DIAPH1: variants seen among roughly 807,000 people sequenced by gnomAD.
The protein encoded by DIAPH1 is diaphanous related formin 1.
Under a neutral mutation model 140.7 loss-of-function variants are expected in DIAPH1, and 46 were observed. The ratio of observed to expected loss-of-function variants is 0.33; its 90% confidence interval spans 0.26 to 0.42. DIAPH1 has a LOEUF of 0.42. Ranked by LOEUF, DIAPH1 falls within the 10% of genes least tolerant of loss-of-function variation. DIAPH1 has a pLI of 1.00. For synonymous variants in DIAPH1, 565 were observed against 551.6 expected (o/e 1.02, Z -0.34); for missense variants, 1,310 against 1,558.7 (o/e 0.84, Z 2.69).
At chr5:141,616,810 A>C (rs1283355031) in intron 1 of DIAPH1, among the ~76,000 whole-genome samples, 1 of 152,098 alleles carries the variant, frequency 6.6e-6, no homozygotes, top group Non-Finnish European at 1.5e-5. Context: ...CACCGCAGAA[A>C]GAAAAGAGAA....
rs368448851 is a variant in DIAPH1, at chr5:141,517,029, T to G, written c.3662-21A>C. 6.8e-6 allele frequency: 11 copies of G among 1,613,862 alleles called. No homozygotes were observed. In the Admixed American group the frequency reaches 1.8e-4, roughly 27 times the overall value. The stretch of plus-strand genomic sequence containing the variant: ...GTTGGCTGCAAGAGAAGACGAGAGA[T>G]TCTGTCTATGGAAGGCCTCATTTCT... On this transcript the variant is annotated intron_variant, in intron 27 of 27. Transcript: ENST00000389054.
rs552477223 is a variant in DIAPH1, at chr5:141,580,830, T to C, written c.738A>G (p.Arg246=). The C allele has an allele frequency of 1.9e-5, 31 of 1,614,176 alleles. No homozygotes were observed. The East Asian group carries it at 6.9e-4, about 36-fold the overall frequency. ...TGTTGGGAACAGCAGGATCCATGGC[T>C]CTGACCAGCAGTAGGATTCCTTCTT... The part of the protein sequence containing the change: ...ETEEGILLLV[R]AMDPAVPNMM... The change falls in exon 8 of 28, where the codon AGA becomes AGG. Residue 246 remains arginine (R), a synonymous_variant. Coordinates refer to ENST00000389054, the MANE Select transcript of DIAPH1 (RefSeq NM_005219.5).
At chr5:141,536,136 T>C (rs79832875) in intron 18 of DIAPH1, 49,454 of 391,222 alleles carry the variant, frequency 0.13, 3,460 homozygotes, top group South Asian at 0.15. Context: ...CCTGTCTCTA[T>C]AAAAAAAGTT....
At position 141,526,368 on chromosome 5, in the gene DIAPH1, G is replaced by A; in HGVS notation, c.3367C>T (p.Leu1123Phe). Residue 1123 changes from leucine to phenylalanine, a missense_variant, in exon 25 of 28, where the codon CTC becomes TTC. Leu to Phe is a conservative substitution (Grantham distance 22, BLOSUM62 0). Coordinates refer to ENST00000389054, the MANE Select transcript of DIAPH1 (RefSeq NM_005219.5). ...ACAGACAACTTCTTGGGGTCAAAGA[G>A]GAAGTACTCGCCCAGCTCCTTATAG... The part of the protein sequence containing the change: ...TLYKELGEYF[L>F]FDPKKLSVEE... 6.2e-7 allele frequency: 1 copy of A among 1,614,130 alleles called. No individual in the cohort carries two copies. The highest frequency in any genetic ancestry group is 8.5e-7 in the Non-Finnish European group (1 of 1,180,028).
At chr5:141,524,390 G>T in intron 26 of DIAPH1, 161 bp from the exon 27 acceptor site, 1 of 706,240 alleles carries the variant, frequency 1.4e-6, no homozygotes, top group Non-Finnish European at 2.6e-6. Context: ...AGTCTCACAC[G>T]CTCATGTTTA....
intron 18 of DIAPH1, among the ~76,000 whole-genome samples, chr5:141,554,950 C>CT (rs1362076109): frequency 6.6e-6 from 1 of 151,906 alleles, no homozygotes; most frequent in East Asian, 1.9e-4. Flanking sequence ...GGTGGGTACT[C>CT]TGAGTTGGGG....
At chr5:141,610,483 T>G (rs1433516582) in intron 1 of DIAPH1, among the ~76,000 whole-genome samples, 3 of 152,150 alleles carry the variant, frequency 2.0e-5, no homozygotes, top group Non-Finnish European at 4.4e-5. Context: ...GTATTTTTAG[T>G]AGAGACGGGG....
intron 1 of DIAPH1, among the ~76,000 whole-genome samples, chr5:141,614,301 CAT>C (rs1562354423): frequency 6.6e-6 from 1 of 152,038 alleles, no homozygotes; most frequent in Non-Finnish European, 1.5e-5. Flanking sequence ...TCTTCTAAAT[CAT>C]ATGTGACATA....
At chr5:141,563,416 G>A (rs1347693787) in intron 18 of DIAPH1, 2 of 152,102 alleles carry the variant, frequency 1.3e-5, no homozygotes, top group Admixed American at 6.6e-5. Context: ...AAGAGAACAG[G>A]TGAAGAGTGG....
intron 1 of DIAPH1, among the ~76,000 whole-genome samples, chr5:141,604,844 G>A (rs759411941): frequency 3.3e-5 from 5 of 151,962 alleles, no homozygotes; most frequent in African/African-American, 4.8e-5. Flanking sequence ...TTTTTGGCCC[G>A]GTACACATTC....
At chr5:141,607,738 A>C (rs573370759) in intron 1 of DIAPH1, among the ~76,000 whole-genome samples, 2 of 152,204 alleles carry the variant, frequency 1.3e-5, no homozygotes, top group Admixed American at 6.5e-5. Flanking sequence ...CTACAGCCAC[A>C]TATTCACACC....
At chr5:141,560,176 T>C (rs555362720) in intron 18 of DIAPH1, among the ~76,000 whole-genome samples, 1 of 152,344 alleles carries the variant, frequency 6.6e-6, no homozygotes, top group East Asian at 1.9e-4. Flanking sequence ...GTTGATAAAA[T>C]TTAAAATTCC....
intron 18 of DIAPH1, among the ~76,000 whole-genome samples, chr5:141,552,450 A>G (rs2099891843): frequency 2.0e-5 from 3 of 152,320 alleles, no homozygotes; most frequent in Non-Finnish European, 1.5e-5. Context: ...TGAAGATGCT[A>G]TGCTGCTGGC....
intron 19 of DIAPH1, among the ~76,000 whole-genome samples, chr5:141,532,179 G>A (rs1372272508): frequency 1.4e-5 from 2 of 146,090 alleles, no homozygotes; most frequent in East Asian, 4.0e-4. Flanking sequence ...TAATTTTTTG[G>A]TTTTTTTTTT....
intron 1 of DIAPH1, among the ~76,000 whole-genome samples, chr5:141,597,035 C>CA (rs1440277137): frequency 1.2e-4 from 18 of 151,924 alleles, no homozygotes; most frequent in Non-Finnish European, 1.5e-5. Flanking sequence ...GGAAATTCCC[C>CA]AAAAAGTACA....
intron 13 of DIAPH1, 53 bp from the exon 14 acceptor site, chr5:141,576,347 C>G (rs1315602257): frequency 6.9e-6 from 9 of 1,313,136 alleles, no homozygotes. Context: ...TGTTCTATTT[C>G]TTTCACACTA....
At chr5:141,606,961 TAAAAAAA>T (rs200373966) in intron 1 of DIAPH1, among the ~76,000 whole-genome samples, 2 of 116,390 alleles carry the variant, frequency 1.7e-5, no homozygotes, top group African/African-American at 6.3e-5. Context: ...CCAAGGCTAT[TAAAAAAA>T]AAAAAAAAGG....
At chr5:141,580,547 TG>T (rs1268666914) in intron 8 of DIAPH1, among the ~76,000 whole-genome samples, 196 bp downstream of exon 8, 5 of 152,194 alleles carry the variant, frequency 3.3e-5, no homozygotes, top group Non-Finnish European at 7.3e-5. Flanking sequence ...TGATGACCAG[TG>T]GAACATTCAG....
intron 1 of DIAPH1, 69 bp downstream of exon 1, chr5:141,618,729 G>A: frequency 2.5e-6 from 3 of 1,185,892 alleles, no homozygotes; most frequent in Admixed American, 2.1e-5. Context: ...AGGCGCCCCA[G>A]GGGCCGGCTG....
Sources: allele counts gnomAD v4.1 joint callset (sites outside exome capture counted in the v4.1 genomes callset), GRCh38; gene constraint gnomAD v4.1.1; transcripts MANE v1.5; gene names NCBI Gene and HGNC (gene_info 2026-07-23, HGNC 2026-07-21).